The following TG variants were observed in gnomAD, a reference collection of about 807,000 sequenced individuals.
TG encodes thyroid hormones.
TG carries 270 observed loss-of-function variants against 324.7 expected under a neutral mutation model. The observed-to-expected ratio is 0.83, with a 90% confidence interval of 0.75 to 0.92. The LOEUF (loss-of-function observed/expected upper bound fraction) is 0.92. Ranked by LOEUF, TG falls within the 40% of genes least tolerant of loss-of-function variation. The probability of loss-of-function intolerance (pLI) is 0.00; values close to 1 mark genes in which losing one functional copy is unlikely to be tolerated. For missense variants in TG, 3,591 were observed against 3,456.4 expected (o/e 1.04, Z -0.98); for synonymous variants, 1,401 against 1,327.0 (o/e 1.06, Z -1.21).
chr8:133,120,202 C>T (rs1851030921), intron 45 of TG, among the ~76,000 whole-genome samples: 3 of 152,188 alleles, frequency 2.0e-5, no homozygotes, highest in Admixed American at 6.5e-5. Flanking sequence ...GTAACTCTCT[C>T]ACAGCAAGTT....
At chr8:133,095,281 G>A in intron 42 of TG, 73 bp downstream of exon 42, 1 of 1,608,134 alleles carries the variant, frequency 6.2e-7, no homozygotes, top group South Asian at 1.1e-5. Context: ...GACCTAGGAA[G>A]GAGGTGTCAC....
At chr8:133,102,566 G>A in intron 43 of TG, 1 of 1,551,588 alleles carries the variant, frequency 6.4e-7, no homozygotes. Context: ...TGGAGCATCA[G>A]GGCTGCCTGA....
At chr8:132,972,324 A>G (rs972789606) in intron 33 of TG, 3 of 535,628 alleles carry the variant, frequency 5.6e-6, no homozygotes, top group African/African-American at 3.8e-5. Flanking sequence ...TTATGTGAGG[A>G]CCAAGTGAAG....
rs1758461716 is a variant in TG, at chr8:133,017,803, A to G, written c.6588A>G (p.Ala2196=). The change falls in exon 38 of 48, where the codon GCA becomes GCG. Residue 2196 remains alanine, a synonymous_variant. Transcript: ENST00000220616. ...KPGISLLSYE[A]SVPSVPISTH... ...GAATCTCTCTGCTCAGCTATGAGGCATCTGTACCTTCTGTGCCCATTTCCA... is the reference window on the plus strand; with the variant it reads ...GAATCTCTCTGCTCAGCTATGAGGCGTCTGTACCTTCTGTGCCCATTTCCA... 1 of 1,614,180 alleles carries G rather than the reference A, an allele frequency of 6.2e-7. No individual in the cohort carries two copies. Among genetic ancestry groups the G allele is most frequent in the South Asian group, 1.1e-5 (1 of 91,084 alleles).
intron 26 of TG, among the ~76,000 whole-genome samples, chr8:132,944,479 G>T (rs1265389387): frequency 6.6e-6 from 1 of 152,144 alleles, no homozygotes; most frequent in East Asian, 1.9e-4. Context: ...AACTCCCCAG[G>T]CTATGAAAGA....
intron 35 of TG, among the ~76,000 whole-genome samples, chr8:132,988,103 C>CAT (rs1319222693): frequency 1.1e-4 from 16 of 146,912 alleles, no homozygotes; most frequent in Non-Finnish European, 1.5e-5. Context: ...CACACACACA[C>CAT]GAAATGAAGC....
chr8:132,991,362 A>G (rs1159788903), intron 35 of TG, among the ~76,000 whole-genome samples: 2 of 152,036 alleles, frequency 1.3e-5, no homozygotes, highest in East Asian at 1.9e-4. Context: ...TCTTACTACT[A>G]TAGGCACTGG....
intron 20 of TG, 133 bp from the exon 21 acceptor site, chr8:132,919,243 T>C (rs1212289559): frequency 3.1e-6 from 3 of 958,964 alleles, no homozygotes; most frequent in African/African-American, 3.2e-5. Context: ...ACACAGTAGG[T>C]TCTCAGTGGA....
At chr8:132,950,715 G>T (rs1470070132) in intron 27 of TG, among the ~76,000 whole-genome samples, 2 of 152,232 alleles carry the variant, frequency 1.3e-5, no homozygotes, top group African/African-American at 4.8e-5. Flanking sequence ...GTAGGTGAAT[G>T]AATGTTTTCA....
rs1275095393 is a variant in TG at position 132,886,375 on chromosome 8, G to A, written c.1076-73G>A. 6 of 1,597,972 alleles carry A rather than the reference G, an allele frequency of 3.8e-6. No individual in the cohort carries two copies. The African/African-American group carries it at 4.0e-5, about 11-fold the overall frequency. ...ATGTTCTGGCTTCTTACTACCTAAA[G>A]GATCTGAGGAGCTGTCTCAGGATTG... On this transcript the variant is annotated intron_variant, in intron 8 of 47. Transcript: ENST00000220616.
At chr8:133,088,445 A>G (rs542349242) in intron 41 of TG, among the ~76,000 whole-genome samples, 9 of 152,162 alleles carry the variant, frequency 5.9e-5, no homozygotes, top group Non-Finnish European at 1.2e-4. Flanking sequence ...TAGCCCTGCT[A>G]CTGATCAGTT....
intron 27 of TG, among the ~76,000 whole-genome samples, chr8:132,955,971 G>GGGAC (rs760516992): frequency 3.9e-5 from 6 of 152,178 alleles, no homozygotes; most frequent in Non-Finnish European, 7.3e-5. Context: ...CCTGATTCAG[G>GGGAC]GGCTGGAGGC....
chr8:132,992,706 T>A (rs1564051793), intron 35 of TG, among the ~76,000 whole-genome samples: 1 of 152,298 alleles, frequency 6.6e-6, no homozygotes, highest in East Asian at 1.9e-4. Context: ...CTGTCAGTCC[T>A]GTTCTGGGAA....
rs1824457430 is a variant in TG at position 132,941,631 on chromosome 8, G to A, written c.5233+89G>A. Reference sequence around the variant, plus strand: ...CAGGACACACAACATGGAGCTGCATGGGGAGTACAGTGTGAGTGCCTACAC... The same window carrying A: ...CAGGACACACAACATGGAGCTGCATAGGGAGTACAGTGTGAGTGCCTACAC... On this transcript the variant is annotated intron_variant, in intron 26 of 47. Coordinates refer to ENST00000220616, the MANE Select transcript of TG (RefSeq NM_003235.5). The A allele has an allele frequency of 3.3e-6, 5 of 1,494,438 alleles. No homozygotes were observed. In the African/African-American group the frequency reaches 5.5e-5, roughly 17 times the overall value. 92.6% of individuals were successfully genotyped at this position (1,494,438 alleles called of 1,614,324 possible). A position where few individuals can be genotyped will look rare whatever the true frequency, so the allele number is the denominator to read the frequency against.
At chr8:132,873,789 T>C (rs567879624) in intron 5 of TG, among the ~76,000 whole-genome samples, 7 of 152,340 alleles carry the variant, frequency 4.6e-5, no homozygotes, top group Non-Finnish European at 8.8e-5. Context: ...TATATAAGAC[T>C]ATGTGAGCAC....
chr8:133,015,209 A>T (rs1336803115), intron 37 of TG, among the ~76,000 whole-genome samples: 1 of 152,156 alleles, frequency 6.6e-6, no homozygotes, highest in African/African-American at 2.4e-5. Flanking sequence ...CTGCTGAAAA[A>T]TGACTTAACA....
chr8:132,888,595 ATG>A (rs3832581), intron 10 of TG, 27 bp downstream of exon 10: 34,680 of 1,295,206 alleles, frequency 0.027, 38 homozygotes, highest in African/African-American at 0.038. Context: ...GAAGAGTTAA[ATG>A]TGTGTGTGTG....
At chr8:132,957,034 A>G (rs75645413) in intron 27 of TG, among the ~76,000 whole-genome samples, 2,511 of 152,172 alleles carry the variant, frequency 0.017, 36 homozygotes, top group Non-Finnish European at 0.024. Context: ...GGAATGAGAG[A>G]TGAGGAAGAT....
At chr8:132,974,472 T>G (rs1258041651) in intron 34 of TG, among the ~76,000 whole-genome samples, 1 of 152,228 alleles carries the variant, frequency 6.6e-6, no homozygotes, top group Non-Finnish European at 1.5e-5. Flanking sequence ...GTGAGAAGAC[T>G]GCAGCGTAGA....
Sources: allele counts gnomAD v4.1 joint callset (sites outside exome capture counted in the v4.1 genomes callset), GRCh38; gene constraint gnomAD v4.1.1; transcripts MANE v1.5; gene names NCBI Gene and HGNC (gene_info 2026-07-23, HGNC 2026-07-21).